OPHN1: variants seen among roughly 807,000 people sequenced by gnomAD.
The protein encoded by OPHN1 is oligophrenin 1, also known as oligophrenin-1.
Under a neutral mutation model 60.7 loss-of-function variants are expected in OPHN1, and 11 were observed. The observed-to-expected ratio is 0.18, with a 90% CI of 0.11 to 0.30. OPHN1 has a LOEUF of 0.30. Ranked by LOEUF, OPHN1 falls within the 10% of genes least tolerant of loss-of-function variation. The pLI, the probability that OPHN1 is intolerant of heterozygous loss-of-function variation, is 1.00. For synonymous variants in OPHN1, 226 were observed against 222.6 expected, an observed-to-expected ratio of 1.02 and a Z score of -0.14; for missense variants, 449 against 611.0, an observed-to-expected ratio of 0.73 and a Z score of 2.80.
intron 2 of OPHN1, among the ~76,000 whole-genome samples, chrX:68,314,315 A>G (rs187230124): frequency 1.5e-3 from 170 of 111,484 alleles, no homozygotes; most frequent in South Asian, 0.013. Context: ...TGAGGTCAGG[A>G]GTTCGAGACC....
intron 19 of OPHN1, among the ~76,000 whole-genome samples, chrX:68,086,248 A>G (rs1199382667): frequency 9.0e-6 from 1 of 110,803 alleles, no homozygotes; most frequent in Non-Finnish European, 1.9e-5. Flanking sequence ...GACTTTCTAA[A>G]GGGTCAAATA....
At chrX:68,313,529 C>T (rs2078184134) in intron 2 of OPHN1, among the ~76,000 whole-genome samples, 2 of 111,811 alleles carry the variant, frequency 1.8e-5, no homozygotes, top group African/African-American at 6.5e-5. Flanking sequence ...AGAATGAAAT[C>T]CTGTCATTTC....
At chrX:68,277,527 C>T (rs2077997442) in intron 4 of OPHN1, among the ~76,000 whole-genome samples, 1 of 112,450 alleles carries the variant, frequency 8.9e-6, no homozygotes, top group Non-Finnish European at 1.9e-5. Flanking sequence ...CAGTGGCTCA[C>T]ACCTGTAATC....
chrX:68,124,769 C>T (rs918137082), intron 15 of OPHN1, among the ~76,000 whole-genome samples: 34 of 110,911 alleles, frequency 3.1e-4, no homozygotes, highest in African/African-American at 1.1e-3. Context: ...TCTCAGCCCC[C>T]ACTAGTAGCT....
chrX:68,361,372 C>T (rs750916541), intron 2 of OPHN1, among the ~76,000 whole-genome samples: 144 of 107,419 alleles, frequency 1.3e-3, no homozygotes, highest in African/African-American at 4.0e-3. Flanking sequence ...CCCAGCTACT[C>T]GGGAGGCTGA....
At chrX:68,264,491 A>C (rs1258390342) in intron 5 of OPHN1, among the ~76,000 whole-genome samples, 1 of 112,424 alleles carries the variant, frequency 8.9e-6, no homozygotes. Flanking sequence ...ATGCAGCCAA[A>C]AGACACATGA....
At chrX:68,339,685 C>A (rs181117046) in intron 2 of OPHN1, among the ~76,000 whole-genome samples, 1 of 112,002 alleles carries the variant, frequency 8.9e-6, no homozygotes, top group African/African-American at 3.2e-5. Context: ...TCGCTGCACC[C>A]TCTGCCTCCC....
chrX:68,303,509 G>A (rs2078130716), intron 2 of OPHN1, among the ~76,000 whole-genome samples: 1 of 109,857 alleles, frequency 9.1e-6, no homozygotes, highest in Non-Finnish European at 1.9e-5. Flanking sequence ...TTAGCCAGGT[G>A]TGGTGGTGCA....
At chrX:68,344,567 G>T (rs1167802304) in intron 2 of OPHN1, among the ~76,000 whole-genome samples, 1 of 108,640 alleles carries the variant, frequency 9.2e-6, no homozygotes, top group Non-Finnish European at 1.9e-5. Context: ...AGCCGAGATT[G>T]TGCCACTGCA....
chrX:68,133,074 C>G, intron 15 of OPHN1: 1 of 529,264 alleles, frequency 1.9e-6, no homozygotes, highest in South Asian at 2.5e-5. Flanking sequence ...CGGCGCCTTA[C>G]AATTCCGGAG....
At chrX:68,368,630 G>A (rs964877087) in intron 2 of OPHN1, among the ~76,000 whole-genome samples, 1 of 111,478 alleles carries the variant, frequency 9.0e-6, no homozygotes, top group South Asian at 3.8e-4. Flanking sequence ...TTCCTGAGAG[G>A]ACTAAGCTTT....
At chrX:68,184,671 A>C (rs935875200) in intron 15 of OPHN1, among the ~76,000 whole-genome samples, 5 of 110,410 alleles carry the variant, frequency 4.5e-5, no homozygotes, top group Non-Finnish European at 9.5e-5. Flanking sequence ...ATCTTGGCTC[A>C]CTGCAACCTC....
At chrX:68,417,122 G>A (rs964134634) in intron 2 of OPHN1, among the ~76,000 whole-genome samples, 3 of 109,500 alleles carry the variant, frequency 2.7e-5, no homozygotes, top group South Asian at 7.8e-4. Flanking sequence ...TTGAGATGGA[G>A]ACTTACTCTG....
chrX:68,272,598 C>T (rs755311878), intron 5 of OPHN1, among the ~76,000 whole-genome samples: 2 of 112,085 alleles, frequency 1.8e-5, no homozygotes, highest in East Asian at 2.8e-4. Context: ...AGTTAACACC[C>T]GTACAAGTTT....
chrX:68,074,205 A>C (rs2076945521), intron 19 of OPHN1, among the ~76,000 whole-genome samples: 1 of 111,956 alleles, frequency 8.9e-6, no homozygotes, highest in African/African-American at 3.3e-5. Context: ...CCAATATCCC[A>C]TCAGGCAAGG....
intron 2 of OPHN1, among the ~76,000 whole-genome samples, chrX:68,408,777 C>G (rs886315242): frequency 1.3e-4 from 15 of 112,454 alleles, no homozygotes; most frequent in African/African-American, 4.5e-4. Flanking sequence ...GCCTGGCCAA[C>G]AGGGCGAACC....
chrX:68,397,975 G>C (rs894785932), intron 2 of OPHN1, among the ~76,000 whole-genome samples: 1 of 111,062 alleles, frequency 9.0e-6, no homozygotes, highest in African/African-American at 3.3e-5. Flanking sequence ...ATGATTTAAT[G>C]ATCTTGCTTG....
chrX:68,124,157 A>G (rs1458035677), intron 15 of OPHN1, among the ~76,000 whole-genome samples: 2 of 111,647 alleles, frequency 1.8e-5, no homozygotes, highest in Non-Finnish European at 1.9e-5. Context: ...TCTGTCTTGT[A>G]GGACAGATCT....
intron 3 of OPHN1, among the ~76,000 whole-genome samples, chrX:68,288,282 C>T (rs1041084808): frequency 9.0e-6 from 1 of 111,675 alleles, no homozygotes; most frequent in African/African-American, 3.3e-5. Flanking sequence ...TTCAAGGTCA[C>T]ACAGCTAGCT....
Sources: allele counts gnomAD v4.1 joint callset (sites outside exome capture counted in the v4.1 genomes callset), GRCh38; gene constraint gnomAD v4.1.1; transcripts MANE v1.5; gene names NCBI Gene and HGNC (gene_info 2026-07-23, HGNC 2026-07-21).